Variants in OTOG observed in about 807,000 individuals in gnomAD.
OTOG encodes otogelin.
OTOG carries 296 observed loss-of-function variants against 313.8 expected under a neutral mutation model. The ratio of observed to expected loss-of-function variants is 0.94; its 90% confidence interval spans 0.86 to 1.04. The LOEUF (loss-of-function observed/expected upper bound fraction) is 1.04, where lower values mean the gene tolerates loss of function less well. OTOG is among the 50% of genes least tolerant of loss of function. The probability of loss-of-function intolerance (pLI) is 0.00; values close to 1 mark genes in which losing one functional copy is unlikely to be tolerated. For synonymous variants in OTOG, 1,533 were observed against 1,554.9 expected, an observed-to-expected ratio of 0.99 and a Z score of 0.33; for missense variants, 3,948 against 3,840.1, an observed-to-expected ratio of 1.03 and a Z score of -0.74.
At chr11:17,590,761 G>A (rs572344322) in intron 24 of OTOG, among the ~76,000 whole-genome samples, 2 of 152,204 alleles carry the variant, frequency 1.3e-5, no homozygotes, top group African/African-American at 4.8e-5. Flanking sequence ...CTCCATTCTA[G>A]CCATGTTGTC....
Position 17,610,837 on chromosome 11 carries a change from G to T in OTOG, c.5537G>T (p.Ser1846Ile). Residue 1846 changes from serine (S) to isoleucine (I), a missense_variant, in exon 36 of 56, where the codon AGC (serine) becomes ATC (isoleucine). Coordinates refer to ENST00000399397, the MANE Select transcript of OTOG (RefSeq NM_001292063.2). ...ACGACTCTGCCTGCTCAGACACTTA[G>T]CCCAGTACTGCCTTTCACTCCAGCA... ...QATTLPAQTLSPVLPFTPAAM... is the reference protein window; with the variant it reads ...QATTLPAQTLIPVLPFTPAAM... The T allele has an allele frequency of 6.4e-7, 1 of 1,550,834 alleles. No individual in the cohort carries two copies. Among genetic ancestry groups the T allele is most frequent in the Non-Finnish European group, 8.7e-7 (1 of 1,147,014 alleles).
In OTOG at chr11:17,640,986, A is replaced by G. The variant is rs1847957988; in HGVS notation, c.8085A>G (p.Ala2695=). 4 of 1,548,692 alleles carry G rather than the reference A, an allele frequency of 2.6e-6. No homozygotes were observed. The highest frequency in any genetic ancestry group is 3.5e-6 in the Non-Finnish European group (4 of 1,146,990). ...QPGQTVVELS[A]DGVCHTSRCT... ...GCCAGACAGTGGTGGAGCTCTCAGC[A>G]GATGGCGTGTGCCACACCTCCCGCT... Residue 2695 remains alanine (A), a synonymous_variant, in exon 51 of 56, where the codon GCA becomes GCG. Coordinates refer to ENST00000399397, the MANE Select transcript of OTOG (RefSeq NM_001292063.2).
intron 32 of OTOG, among the ~76,000 whole-genome samples, chr11:17,603,316 C>G (rs535748693): frequency 2.0e-5 from 3 of 152,324 alleles, no homozygotes; most frequent in Non-Finnish European, 4.4e-5. Context: ...ATCCCCAGAT[C>G]CATGCATTCC....
intron 21 of OTOG, 79 bp from the exon 22 acceptor site, chr11:17,576,789 A>G (rs1852537912): frequency 6.6e-7 from 1 of 1,514,872 alleles, no homozygotes; most frequent in East Asian, 2.5e-5. Flanking sequence ...CTCTGCAGTG[A>G]CCCGAGTGCA....
Position 17,547,349 on chromosome 11 carries a change from G to T in OTOG, c.-24G>T, listed in dbSNP as rs894926487. ...CTCGGGAGGCTGGCCCTGCGCTCAAGTCCTCCGGTCCCCTCGTGTCCCTAT... is the reference window on the plus strand; with the variant it reads ...CTCGGGAGGCTGGCCCTGCGCTCAATTCCTCCGGTCCCCTCGTGTCCCTAT... On this transcript the variant is annotated 5_prime_UTR_variant, in exon 1 of 56. Transcript: ENST00000399397. 3 of 1,328,246 alleles carry T rather than the reference G, an allele frequency of 2.3e-6. No homozygotes were observed. The highest frequency in any genetic ancestry group is 3.6e-5 in the Admixed American group (1 of 27,800). 82.3% of individuals were successfully genotyped at this position (1,328,246 alleles called of 1,614,324 possible).
At chr11:17,615,821 G>C (rs530558897) in intron 39 of OTOG, among the ~76,000 whole-genome samples, 41 of 152,206 alleles carry the variant, frequency 2.7e-4, no homozygotes, top group African/African-American at 9.4e-4. Context: ...CCAGCTACTC[G>C]GGAGGCTGAG....
intron 11 of OTOG, 79 bp downstream of exon 11, chr11:17,559,240 C>A: frequency 1.8e-6 from 2 of 1,128,738 alleles, no homozygotes; most frequent in South Asian, 1.6e-5. Context: ...AATGTCTTGT[C>A]CTGCTCAGAA....
Position 17,645,591 on chromosome 11 carries a change from A to G in OTOG, c.8489A>G (p.Lys2830Arg). The stretch of plus-strand genomic sequence containing the variant: ...AAGGAGGATGGGCGCTCCTGCAAGA[A>G]GGTGACCATCCGCATGACCATCCGC... ...TCKEDGRSCK[K>R]VTIRMTIRKN... The change falls in exon 55 of 56, where the codon AAG (lysine) becomes AGG (arginine). Residue 2830 changes from lysine (K) to arginine (R), a missense_variant. Transcript: ENST00000399397. The G allele has an allele frequency of 6.4e-7, 1 of 1,550,646 alleles. No individual in the cohort carries two copies. Among genetic ancestry groups the G allele is most frequent in the South Asian group, 1.2e-5 (1 of 84,068 alleles).
chr11:17,627,383 GT>G (rs1453382544), intron 39 of OTOG, among the ~76,000 whole-genome samples: 1 of 151,874 alleles, frequency 6.6e-6, no homozygotes, highest in African/African-American at 2.4e-5. Flanking sequence ...TGATCATATG[GT>G]TTTTTTGTCC....
At chr11:17,581,561 G>A (rs10832806) in intron 23 of OTOG, among the ~76,000 whole-genome samples, 66,865 of 151,974 alleles carry the variant, frequency 0.44, 15,807 homozygotes, top group African/African-American at 0.62. Context: ...TCCTTAAATA[G>A]GGAGCCTCCA....
Position 17,578,000 on chromosome 11 carries a change from C to T in OTOG, c.2606-373C>T, listed in dbSNP as rs192182002. ...CTCCTGGTCCCTCTGGGGCACTTCTCACTTTATGGTGACTTTGGGGAGGAG... is the reference window on the plus strand; with the variant it reads ...CTCCTGGTCCCTCTGGGGCACTTCTTACTTTATGGTGACTTTGGGGAGGAG... On this transcript the variant is annotated intron_variant, in intron 22 of 55. Coordinates refer to ENST00000399397, the MANE Select transcript of OTOG (RefSeq NM_001292063.2). Among the ~76,000 whole-genome samples the T allele has an allele frequency of 3.3e-5, 5 of 152,266 alleles. No individual in the cohort carries two copies. In the Middle Eastern group the frequency reaches 0.01, roughly 311 times the overall value.
chr11:17,549,540 T>G (rs1851888368), intron 3 of OTOG, among the ~76,000 whole-genome samples: 1 of 152,042 alleles, frequency 6.6e-6, no homozygotes, highest in Non-Finnish European at 1.5e-5. Context: ...TTTTTGTAGG[T>G]AGGGAAATTG....
intron 3 of OTOG, among the ~76,000 whole-genome samples, chr11:17,548,608 T>C (rs56046669): frequency 0.034 from 5,095 of 152,078 alleles, 307 homozygotes; most frequent in African/African-American, 0.11. Context: ...CTCCTCTCCA[T>C]ACCCTGAGCG....
rs1314439748 is a variant in OTOG at position 17,634,894 on chromosome 11, C to T, written c.7531C>T (p.His2511Tyr). Reference protein sequence around the residue: ...EGLAPTCRPGHRLLTHFQEDS... With the variant: ...EGLAPTCRPGYRLLTHFQEDS... The stretch of plus-strand genomic sequence containing the variant: ...TCTCGCCCCCACATGCCGCCCAGGC[C>T]ACCGCCTCCTCACCCACTTCCAGGA... The change falls in exon 45 of 56, where the codon CAC (histidine) becomes TAC (tyrosine). Residue 2511 changes from histidine (H) to tyrosine (Y), a missense_variant. By Grantham distance (83) the His-to-Tyr change is moderately conservative. Transcript: ENST00000399397. 2 of 1,549,426 alleles carry T rather than the reference C, an allele frequency of 1.3e-6. No individual in the cohort carries two copies. Among genetic ancestry groups the T allele is most frequent in the South Asian group, 1.2e-5 (1 of 84,002 alleles).
At chr11:17,616,776 C>T (rs1853731128) in intron 39 of OTOG, among the ~76,000 whole-genome samples, 1 of 152,154 alleles carries the variant, frequency 6.6e-6, no homozygotes, top group Non-Finnish European at 1.5e-5. Flanking sequence ...TTGGGTTTTT[C>T]TACATAGACA....
In OTOG at chr11:17,597,053, C is replaced by T. The variant is rs1853129029; in HGVS notation, c.3682+46C>T. 5.8e-6 allele frequency: 9 copies of T among 1,540,654 alleles called. No individual in the cohort carries two copies. In the East Asian group the frequency reaches 1.5e-4, roughly 25 times the overall value. The stretch of plus-strand genomic sequence containing the variant: ...CCTGAGGGGACAGAGTAGAGTGTCA[C>T]CTGTGGGCATGCCCTAGGGGTACTG... On this transcript the variant is annotated intron_variant, in intron 30 of 55. Coordinates refer to ENST00000399397, the MANE Select transcript of OTOG (RefSeq NM_001292063.2).
intron 38 of OTOG, 64 bp from the exon 39 acceptor site, chr11:17,613,548 C>CACT (rs2134099420): frequency 1.5e-6 from 2 of 1,352,152 alleles, no homozygotes; most frequent in Non-Finnish European, 2.1e-6. Flanking sequence ...TTGCTGTGCC[C>CACT]ACTCACTTGG....
At chr11:17,591,357 T>A in intron 24 of OTOG, 93 bp from the exon 25 acceptor site, 2 of 1,492,194 alleles carry the variant, frequency 1.3e-6, no homozygotes, top group East Asian at 5.0e-5. Context: ...AGGGACACAG[T>A]GCACATGCAT....
chr11:17,639,415 T>G lies in OTOG; in HGVS notation c.7895-8T>G. The G allele has an allele frequency of 6.4e-7, 1 of 1,550,668 alleles. No individual in the cohort carries two copies. The highest frequency in any genetic ancestry group is 1.4e-5 in the African/African-American group (1 of 73,158). On this transcript the variant is annotated splice_region_variant and splice_polypyrimidine_tract_variant and intron_variant, in intron 48 of 55. Coordinates refer to ENST00000399397, the MANE Select transcript of OTOG (RefSeq NM_001292063.2). ...ATGAAGTGGGGCCTGGCCCCTTGTG[T>G]TTTTCAGAATGTGACTGTGACACAA...
Sources: gnomAD v4.1 joint callset for allele counts (sites outside exome capture counted in the v4.1 genomes callset) on GRCh38, gnomAD v4.1.1 for gene constraint, MANE v1.5 for transcripts, NCBI Gene and HGNC (gene_info 2026-07-23, HGNC 2026-07-21) for gene names.